The following FSTL4 variants were observed in gnomAD, a reference collection of about 807,000 sequenced individuals.
FSTL4 encodes follistatin like 4.
Under a neutral mutation model 78.2 loss-of-function variants are expected in FSTL4, and 28 were observed. The ratio of observed to expected loss-of-function variants is 0.36; its 90% CI spans 0.27 to 0.49. The LOEUF (loss-of-function observed/expected upper bound fraction) is 0.49. Ranked by LOEUF, FSTL4 falls within the 20% of genes least tolerant of loss-of-function variation. FSTL4 has a pLI of 0.98. For synonymous variants in FSTL4, 422 were observed against 440.5 expected (o/e 0.96, Z 0.53); for missense variants, 922 against 1,084.9 (o/e 0.85, Z 2.11).
intron 3 of FSTL4, among the ~76,000 whole-genome samples, chr5:133,556,730 GT>G (rs1342355788): frequency 1.3e-5 from 2 of 152,210 alleles, no homozygotes; most frequent in East Asian, 3.9e-4. Flanking sequence ...CCCATCCTGT[GT>G]TCCTGTCTGC....
Position 133,199,255 on chromosome 5 carries a change from C to T in FSTL4, c.2369G>A (p.Gly790Asp), listed in dbSNP as rs779770295. ...PPAGPAQPWGGTHRIMRDSGL... is the reference protein window; with the variant it reads ...PPAGPAQPWGDTHRIMRDSGL... The stretch of plus-strand genomic sequence containing the variant: ...ACTGTCCCTCATGATTCTGTGGGTA[C>T]CCCCCCAGGGCTGAGCTGGCCCTGC... Residue 790 changes from glycine to aspartate, a missense_variant, in exon 16 of 16, where the codon GGT becomes GAT. Coordinates refer to ENST00000265342, the MANE Select transcript of FSTL4 (RefSeq NM_015082.2). This position sits in a 1 kb window ranked among gnomAD's most constrained non-coding sequence, Gnocchi z 4.4. The T allele has an allele frequency of 3.8e-5, 62 of 1,610,830 alleles. No individual in the cohort carries two copies. In the African/African-American group the frequency reaches 7.7e-4, roughly 20 times the overall value.
intron 3 of FSTL4, among the ~76,000 whole-genome samples, chr5:133,535,421 A>T (rs768330870): frequency 5.3e-5 from 8 of 152,270 alleles, no homozygotes; most frequent in Non-Finnish European, 1.2e-4. Context: ...GCTTAAAGGC[A>T]TTCTTAAGCC....
the FSTL4 span, among the ~76,000 whole-genome samples, chr5:133,701,402 CA>C: frequency 8.0e-4 from 76 of 94,888 alleles, no homozygotes; most frequent in South Asian, 1.5e-3. Flanking sequence ...GAGTCAGTCT[CA>C]AAAAAAAAAA....
chr5:133,826,605 G>T, the FSTL4 span, among the ~76,000 whole-genome samples: 1 of 152,154 alleles, frequency 6.6e-6, no homozygotes, highest in Non-Finnish European at 1.5e-5. Context: ...TCCCCCGTTG[G>T]CCTTTCTCCT....
At chr5:133,497,786 C>A (rs10060013) in intron 3 of FSTL4, among the ~76,000 whole-genome samples, 3,190 of 152,260 alleles carry the variant, frequency 0.021, 120 homozygotes, top group African/African-American at 0.073. Flanking sequence ...CATAATAGAA[C>A]ACGGTTATAC....
At chr5:133,824,760 T>C in the FSTL4 span, among the ~76,000 whole-genome samples, 1 of 152,076 alleles carries the variant, frequency 6.6e-6, no homozygotes, top group Non-Finnish European at 1.5e-5. Flanking sequence ...CAGGCATCCT[T>C]GAGCAGGGGA....
intron 3 of FSTL4, among the ~76,000 whole-genome samples, chr5:133,556,683 C>T (rs923636075): frequency 3.3e-5 from 5 of 152,166 alleles, no homozygotes; most frequent in Non-Finnish European, 5.9e-5. Context: ...GTTCAGGGCT[C>T]CTGAACAGCA....
At chr5:133,253,518 T>C (rs1249519842) in intron 6 of FSTL4, among the ~76,000 whole-genome samples, 2 of 152,246 alleles carry the variant, frequency 1.3e-5, no homozygotes, top group Non-Finnish European at 2.9e-5. Context: ...CATCTTTTCT[T>C]GCCCCTAAGT....
the FSTL4 span, among the ~76,000 whole-genome samples, chr5:133,741,405 C>A: frequency 2.6e-5 from 4 of 152,202 alleles, no homozygotes; most frequent in African/African-American, 7.2e-5. Flanking sequence ...AGTGGCCTGG[C>A]CTTTTGTGCC....
At chr5:133,220,948 A>G in intron 11 of FSTL4, 82 bp from the exon 12 acceptor site, 1 of 839,654 alleles carries the variant, frequency 1.2e-6, no homozygotes, top group Non-Finnish European at 2.1e-6. Context: ...AACACACAAG[A>G]AACCGGCCAC....
chr5:133,685,407 G>C, the FSTL4 span, among the ~76,000 whole-genome samples: 2 of 152,210 alleles, frequency 1.3e-5, no homozygotes, highest in East Asian at 1.9e-4. Flanking sequence ...GGTCCAAAGA[G>C]AAAATCTCCG....
At chr5:133,464,175 C>T (rs893403622) in intron 3 of FSTL4, among the ~76,000 whole-genome samples, 9 of 152,180 alleles carry the variant, frequency 5.9e-5, no homozygotes, top group African/African-American at 2.2e-4. Flanking sequence ...TGGGGCCGCC[C>T]CTCCCCGTCT....
At chr5:133,247,516 A>T (rs1752077191) in intron 7 of FSTL4, 1 of 152,228 alleles carries the variant, frequency 6.6e-6, no homozygotes, top group African/African-American at 2.4e-5. Context: ...CTGGCCAAAC[A>T]TGTTTAAAAG....
chr5:133,673,490 T>C, the FSTL4 span, among the ~76,000 whole-genome samples: 1 of 152,192 alleles, frequency 6.6e-6, no homozygotes, highest in Non-Finnish European at 1.5e-5. Context: ...AGCACACCTG[T>C]CACTCAAACC....
the FSTL4 span, among the ~76,000 whole-genome samples, chr5:133,778,859 T>G: frequency 6.6e-6 from 1 of 152,048 alleles, no homozygotes; most frequent in Non-Finnish European, 1.5e-5. Flanking sequence ...ACATAACTCC[T>G]CTCACAAGGC....
chr5:133,762,805 A>G, the FSTL4 span, among the ~76,000 whole-genome samples: 278 of 152,272 alleles, frequency 1.8e-3, no homozygotes, highest in African/African-American at 6.1e-3. Flanking sequence ...TGACTGGACC[A>G]TCTCTCCCTC....
At chr5:133,701,099 T>C in the FSTL4 span, among the ~76,000 whole-genome samples, 1 of 152,106 alleles carries the variant, frequency 6.6e-6, no homozygotes, top group Non-Finnish European at 1.5e-5. Flanking sequence ...ACATTCCATA[T>C]TGAATAGAAA....
chr5:133,728,550 T>C, the FSTL4 span, among the ~76,000 whole-genome samples: 50 of 152,322 alleles, frequency 3.3e-4, 1 homozygote, highest in African/African-American at 1.2e-3. Flanking sequence ...GGGATAGGAC[T>C]AAAAAGATGC....
In FSTL4 at chr5:133,401,089, C is replaced by T. The variant is rs752251660; in HGVS notation, c.161-103G>A. ...CAAGCACAGACTCCATTTGCCTGTG[C>T]AGCCAAGCTACTCAAGGTGGGGCCT... On this transcript the variant is annotated intron_variant, in intron 3 of 15. Transcript: ENST00000265342. 169 of 1,371,436 alleles carry T rather than the reference C, an allele frequency of 1.2e-4. 1 individual carries two copies. Among genetic ancestry groups the T allele is most frequent in the Non-Finnish European group, 1.6e-4 (163 of 992,834 alleles). 85.0% of individuals were successfully genotyped at this position (1,371,436 alleles called of 1,614,324 possible). A position where few individuals can be genotyped will look rare whatever the true frequency, so the allele number is the denominator to read the frequency against.
Sources: allele counts gnomAD v4.1 joint callset (sites outside exome capture counted in the v4.1 genomes callset), GRCh38; gene constraint gnomAD v4.1.1; non-coding constraint Gnocchi (gnomAD v3.1); transcripts MANE v1.5; gene names NCBI Gene and HGNC (gene_info 2026-07-23, HGNC 2026-07-21).